Variants in RBPJ observed in about 807,000 individuals in gnomAD.
The protein encoded by RBPJ is recombination signal binding protein for immunoglobulin kappa J region.
Under a neutral mutation model 67.8 loss-of-function variants are expected in RBPJ, and 9 were observed. The ratio of observed to expected loss-of-function variants is 0.13; its 90% CI spans 0.08 to 0.23. The LOEUF (loss-of-function observed/expected upper bound fraction) is 0.23. Ranked by LOEUF, RBPJ falls within the 10% of genes least tolerant of loss-of-function variation. RBPJ has a pLI of 1.00. For synonymous variants in RBPJ, 198 were observed against 203.3 expected, an observed-to-expected ratio of 0.97 and a Z score of 0.22; for missense variants, 305 against 595.6, an observed-to-expected ratio of 0.51 and a Z score of 5.08.
At chr4:26,191,212 G>T (rs202180668) in intron 1 of RBPJ, among the ~76,000 whole-genome samples, 532 of 33,374 alleles carry the variant, frequency 0.016, 1 homozygote, top group Non-Finnish European at 0.021. Context: ...TATATATATA[G>T]AGAGAGAGAG....
intron 1 of RBPJ, among the ~76,000 whole-genome samples, chr4:26,309,116 C>A (rs1226158070): frequency 6.6e-6 from 1 of 151,214 alleles, no homozygotes; most frequent in Non-Finnish European, 1.5e-5. Flanking sequence ...TCACTTGCAG[C>A]CTTGGCCTCC....
Position 26,428,728 on chromosome 4 carries a change from G to A in RBPJ, c.756G>A (p.Arg252=). ...TTAATTGTTAAATATAGATAATTAG[G>A]AAAGTTGATAAGCAGACCGCATTAT... ...TGMALPRLII[R]KVDKQTALLD... is the part of the protein sequence containing the mutation. Residue 252 remains arginine, a synonymous_variant, in exon 8 of 11, where the codon AGG becomes AGA. Transcript: ENST00000355476. The A allele has an allele frequency of 1.2e-6, 2 of 1,607,616 alleles. No homozygotes were observed. Among genetic ancestry groups the A allele is most frequent in the Non-Finnish European group, 1.7e-6 (2 of 1,177,202 alleles).
At chr4:26,242,219 G>A (rs890563819) in intron 1 of RBPJ, among the ~76,000 whole-genome samples, 2 of 152,044 alleles carry the variant, frequency 1.3e-5, no homozygotes, top group Non-Finnish European at 2.9e-5. Flanking sequence ...AGCCCGAGGC[G>A]GGCGGATCAC....
chr4:26,358,848 A>G (rs1306789047), intron 1 of RBPJ, among the ~76,000 whole-genome samples: 1 of 151,940 alleles, frequency 6.6e-6, no homozygotes, highest in African/African-American at 2.4e-5. Flanking sequence ...GCTGCCCATT[A>G]TCCCAGTTCA....
At chr4:26,192,385 T>G (rs988848248) in intron 1 of RBPJ, among the ~76,000 whole-genome samples, 33 of 152,216 alleles carry the variant, frequency 2.2e-4, no homozygotes, top group African/African-American at 7.5e-4. Context: ...AATAATATTG[T>G]GATACTCATC....
At chr4:26,197,221 T>C (rs1219530995) in intron 1 of RBPJ, among the ~76,000 whole-genome samples, 1 of 152,140 alleles carries the variant, frequency 6.6e-6, no homozygotes, top group East Asian at 1.9e-4. Context: ...GTCCTAGGAC[T>C]GGTTATGATA....
intron 1 of RBPJ, among the ~76,000 whole-genome samples, chr4:26,286,360 T>C (rs1260784650): frequency 6.7e-6 from 1 of 150,322 alleles, no homozygotes; most frequent in Non-Finnish European, 1.5e-5. Flanking sequence ...GCACCTGTGG[T>C]CCCAGCTACT....
At chr4:26,111,612 C>T in the RBPJ span, among the ~76,000 whole-genome samples, 1 of 152,226 alleles carries the variant, frequency 6.6e-6, no homozygotes, top group Non-Finnish European at 1.5e-5. Flanking sequence ...CATCCTTCCC[C>T]AGCCTCCAGT....
chr4:26,431,887 A>G lies in RBPJ; in HGVS notation c.*880A>G, dbSNP rs1323595201. Reference sequence around the variant, plus strand: ...TTATCTGAGAGGTTCTAACATTCACATGCAATTTGGTGTGGCCATTTAGCT... The same window carrying G: ...TTATCTGAGAGGTTCTAACATTCACGTGCAATTTGGTGTGGCCATTTAGCT... On this transcript the variant is annotated 3_prime_UTR_variant, in exon 11 of 11. Transcript: ENST00000355476. 1 of 152,176 alleles carries G rather than the reference A, an allele frequency of 6.6e-6. No individual in the cohort carries two copies. 9.4% of individuals were successfully genotyped at this position (152,176 alleles called of 1,614,324 possible). A position where few individuals can be genotyped will look rare whatever the true frequency, so the allele number is the denominator to read the frequency against.
chr4:26,199,904 C>T (rs528073649), intron 1 of RBPJ, among the ~76,000 whole-genome samples: 6 of 152,280 alleles, frequency 3.9e-5, no homozygotes, highest in Non-Finnish European at 8.8e-5. Context: ...CTGGCCAGAA[C>T]CGTTCAGTCG....
intron 1 of RBPJ, among the ~76,000 whole-genome samples, chr4:26,208,809 C>G (rs1228587940): frequency 2.0e-5 from 3 of 152,118 alleles, no homozygotes; most frequent in African/African-American, 7.2e-5. Flanking sequence ...CCCAGCCTGT[C>G]TCCCCAAACA....
At chr4:26,196,345 C>T (rs752353056) in intron 1 of RBPJ, among the ~76,000 whole-genome samples, 4 of 152,052 alleles carry the variant, frequency 2.6e-5, no homozygotes, top group Non-Finnish European at 5.9e-5. Flanking sequence ...GGCTCGATAT[C>T]GTATGATTCT....
chr4:26,132,202 T>G, the RBPJ span, among the ~76,000 whole-genome samples: 28 of 152,290 alleles, frequency 1.8e-4, no homozygotes, highest in Non-Finnish European at 2.5e-4. Context: ...CTAACTATTT[T>G]TTTAGGTCAC....
intron 1 of RBPJ, among the ~76,000 whole-genome samples, chr4:26,170,860 T>G (rs1716552793): frequency 6.6e-6 from 1 of 152,246 alleles, no homozygotes; most frequent in African/African-American, 2.4e-5. Context: ...ATGCTTAATC[T>G]TTCTGAACTT....
intron 1 of RBPJ, among the ~76,000 whole-genome samples, chr4:26,376,128 A>C (rs1729704857): frequency 6.6e-6 from 1 of 152,222 alleles, no homozygotes; most frequent in Non-Finnish European, 1.5e-5. Flanking sequence ...AATATACATA[A>C]TGTAAAATTA....
intron 1 of RBPJ, among the ~76,000 whole-genome samples, chr4:26,329,704 C>T (rs1724026435): frequency 6.6e-6 from 1 of 152,032 alleles, no homozygotes; most frequent in Non-Finnish European, 1.5e-5. Flanking sequence ...ACCATCCTGG[C>T]TAACACGGTG....
intron 1 of RBPJ, among the ~76,000 whole-genome samples, chr4:26,168,228 G>A (rs1028167912): frequency 6.6e-6 from 1 of 152,144 alleles, no homozygotes; most frequent in African/African-American, 2.4e-5. Flanking sequence ...GCCTTTCCAT[G>A]TTTAATGCTT....
chr4:26,396,896 T>A (rs925138754), intron 2 of RBPJ, among the ~76,000 whole-genome samples: 7 of 152,210 alleles, frequency 4.6e-5, no homozygotes, highest in African/African-American at 1.7e-4. Flanking sequence ...TGTAGACACT[T>A]AGTACAGCAG....
At chr4:26,420,811 A>G in intron 5 of RBPJ, 86 bp downstream of exon 5, 2 of 1,069,066 alleles carry the variant, frequency 1.9e-6, no homozygotes, top group Non-Finnish European at 2.6e-6. Flanking sequence ...TGCCTTTTCA[A>G]TAGCCAATTA....
Sources: allele counts gnomAD v4.1 joint callset (sites outside exome capture counted in the v4.1 genomes callset), GRCh38; gene constraint gnomAD v4.1.1; transcripts MANE v1.5; gene names NCBI Gene and HGNC (gene_info 2026-07-23, HGNC 2026-07-21).